CPB2: variants seen among roughly 807,000 people sequenced by gnomAD.
The protein encoded by CPB2 is carboxypeptidase B-like protein.
CPB2 carries 54 observed loss-of-function variants against 57.0 expected under a neutral mutation model. The ratio of observed to expected loss-of-function variants is 0.95; its 90% CI spans 0.76 to 1.19. The LOEUF (loss-of-function observed/expected upper bound fraction) is 1.19. Ranked by LOEUF, CPB2 falls within the 50% of genes most tolerant of loss-of-function variation. The probability of loss-of-function intolerance (pLI) is 0.00; values close to 1 mark genes in which losing one functional copy is unlikely to be tolerated. For missense variants in CPB2, 426 were observed against 512.0 expected (o/e 0.83, Z 1.62); for synonymous variants, 189 against 178.1 (o/e 1.06, Z -0.49).
intron 6 of CPB2, 59 bp from the exon 7 acceptor site, chr13:46,067,476 GTTTC>G: frequency 2.3e-6 from 2 of 862,378 alleles, no homozygotes; most frequent in South Asian, 1.5e-5. Flanking sequence ...AACTTAGTGT[GTTTC>G]TTTTTCTTTT....
At chr13:46,078,418 T>C (rs1471155342) in intron 5 of CPB2, among the ~76,000 whole-genome samples, 1 of 152,180 alleles carries the variant, frequency 6.6e-6, no homozygotes, top group African/African-American at 2.4e-5. Context: ...ATGGCTTATC[T>C]AATGTCACAT....
In CPB2 at chr13:46,104,841, AT is replaced by A; in HGVS notation, c.74+94del. 4.1e-6 allele frequency: 6 copies of A among 1,456,326 alleles called. No homozygotes were observed. In the South Asian group the frequency reaches 6.0e-5, roughly 15 times the overall value. The allele number at this position is 1,456,326 out of a possible 1,614,324, so 90.2% of individuals were successfully genotyped here. The stretch of plus-strand genomic sequence containing the variant: ...AAAGACCTGGCCTTCAAAGTTTACC[AT>A]TTTGTCCACCAGCTCAGTGCACTGA... On this transcript the variant is annotated intron_variant, in intron 1 of 10. Transcript: ENST00000181383.
At chr13:46,056,560 CATT>C (rs2044700285) in intron 9 of CPB2, among the ~76,000 whole-genome samples, 1 of 152,168 alleles carries the variant, frequency 6.6e-6, no homozygotes, top group Non-Finnish European at 1.5e-5. Flanking sequence ...TATGCCATCT[CATT>C]GTTCAAAAAA....
At chr13:46,101,828 A>G (rs1352341480) in intron 1 of CPB2, among the ~76,000 whole-genome samples, 1 of 152,204 alleles carries the variant, frequency 6.6e-6, no homozygotes, top group Non-Finnish European at 1.5e-5. Context: ...CCTATGCAAC[A>G]CTTCCTCTGT....
chr13:46,103,831 A>G (rs1327719173), intron 1 of CPB2, among the ~76,000 whole-genome samples: 1 of 152,222 alleles, frequency 6.6e-6, no homozygotes, highest in African/African-American at 2.4e-5. Context: ...AGAACCTTAG[A>G]AATCCTGACC....
At chr13:46,088,973 G>A (rs1181868988) in intron 1 of CPB2, among the ~76,000 whole-genome samples, 1 of 147,702 alleles carries the variant, frequency 6.8e-6, no homozygotes, top group Non-Finnish European at 1.5e-5. Flanking sequence ...TCTCTTTCTT[G>A]ATGATGTGCT....
chr13:46,084,287 A>C lies in CPB2; in HGVS notation c.207T>G (p.His69Gln). The stretch of plus-strand genomic sequence containing the variant: ...CGACATCAGATGCATTTACAAAAAA[A>C]TGGACTTGTTTTTTCTTCACAATAA... ...ADLIVKKKQVHFFVNASDVDN... is the reference protein window; with the variant it reads ...ADLIVKKKQVQFFVNASDVDN... Residue 69 changes from histidine (H) to glutamine (Q), a missense_variant, in exon 3 of 11, where the codon CAT (histidine) becomes CAG (glutamine). His to Gln is a conservative substitution (Grantham distance 24). Coordinates refer to ENST00000181383, the MANE Select transcript of CPB2 (RefSeq NM_001872.5). 6.2e-7 allele frequency: 1 copy of C among 1,614,190 alleles called. No homozygotes were observed. The highest frequency in any genetic ancestry group is 1.3e-5 in the African/African-American group (1 of 75,048).
intron 2 of CPB2, among the ~76,000 whole-genome samples, chr13:46,085,098 C>T (rs1441967739): frequency 1.3e-5 from 2 of 152,140 alleles, no homozygotes; most frequent in African/African-American, 4.8e-5. Flanking sequence ...GATCCGCCCA[C>T]CTCGGCCCTC....
intron 1 of CPB2, 90 bp from the exon 2 acceptor site, chr13:46,087,910 A>T (rs563099153): frequency 1.3e-6 from 1 of 795,460 alleles, no homozygotes; most frequent in South Asian, 1.7e-5. Context: ...GGTAATTGCA[A>T]AAGGGAAACA....
chr13:46,096,745 C>T (rs192291263), intron 1 of CPB2, among the ~76,000 whole-genome samples: 265 of 152,074 alleles, frequency 1.7e-3, no homozygotes, highest in Non-Finnish European at 3.3e-3. Context: ...CACCACTGCA[C>T]TCTAGCCTGG....
At chr13:46,056,159 G>A (rs2044694356) in intron 9 of CPB2, among the ~76,000 whole-genome samples, 1 of 152,012 alleles carries the variant, frequency 6.6e-6, no homozygotes, top group African/African-American at 2.4e-5. Context: ...TATGGAAAAT[G>A]AAGTATAACT....
chr13:46,078,782 A>G lies in CPB2; in HGVS notation c.486+18T>C, dbSNP rs1467290610. On this transcript the variant is annotated intron_variant, in intron 5 of 10. Transcript: ENST00000181383. ...CTCCCCTCACAGTGAAAGATCAACA[A>G]CTTTCCCCACAACATACCTTTAAAA... 2 of 1,510,464 alleles carry G rather than the reference A, an allele frequency of 1.3e-6. No individual in the cohort carries two copies. The highest frequency in any genetic ancestry group is 1.7e-5 in the Admixed American group (1 of 59,642). 93.6% of individuals were successfully genotyped at this position (1,510,464 alleles called of 1,614,324 possible).
At chr13:46,081,016 A>G (rs913406984) in intron 4 of CPB2, among the ~76,000 whole-genome samples, 1 of 151,506 alleles carries the variant, frequency 6.6e-6, no homozygotes, top group African/African-American at 2.4e-5. Flanking sequence ...ATGAGGAAGA[A>G]CGCTGTGAGA....
At chr13:46,063,505 C>CT (rs1222824369) in intron 8 of CPB2, among the ~76,000 whole-genome samples, 1 of 152,234 alleles carries the variant, frequency 6.6e-6, no homozygotes, top group East Asian at 1.9e-4. Context: ...TAATTTTGTT[C>CT]TTTTTTATGG....
At chr13:46,085,385 C>T (rs1046401229) in intron 2 of CPB2, among the ~76,000 whole-genome samples, 1 of 152,142 alleles carries the variant, frequency 6.6e-6, no homozygotes, top group Non-Finnish European at 1.5e-5. Flanking sequence ...CCATTTAGCT[C>T]TTCGGTTGAG....
intron 6 of CPB2, among the ~76,000 whole-genome samples, chr13:46,068,186 T>C (rs2044884205): frequency 6.6e-6 from 1 of 152,254 alleles, no homozygotes; most frequent in Non-Finnish European, 1.5e-5. Context: ...TGCTATATTT[T>C]AATTTAATTC....
chr13:46,058,411 G>A lies in CPB2; in HGVS notation c.797-30C>T, dbSNP rs760993667. On this transcript the variant is annotated intron_variant, in intron 8 of 10. Coordinates refer to ENST00000181383, the MANE Select transcript of CPB2 (RefSeq NM_001872.5). Reference sequence around the variant, plus strand: ...AACGAAATTGTTAAGGTGAAATTATGAGGGGATGCACATAGTACTGTAATT... The same window carrying A: ...AACGAAATTGTTAAGGTGAAATTATAAGGGGATGCACATAGTACTGTAATT... The A allele has an allele frequency of 2.5e-6, 4 of 1,591,596 alleles. No individual in the cohort carries two copies. The Admixed American group carries it at 5.0e-5, about 20-fold the overall frequency.
At chr13:46,077,671 A>G (rs1251303342) in intron 5 of CPB2, among the ~76,000 whole-genome samples, 2 of 142,586 alleles carry the variant, frequency 1.4e-5, no homozygotes, top group Admixed American at 1.4e-4. Flanking sequence ...TATAGAATCA[A>G]CCTAAGTGTT....
At chr13:46,062,392 A>G (rs1199034186) in intron 8 of CPB2, among the ~76,000 whole-genome samples, 1 of 152,196 alleles carries the variant, frequency 6.6e-6, no homozygotes, top group Non-Finnish European at 1.5e-5. Flanking sequence ...TATGATTCAT[A>G]GATAATGAAA....
Sources: allele counts gnomAD v4.1 joint callset (sites outside exome capture counted in the v4.1 genomes callset), GRCh38; gene constraint gnomAD v4.1.1; transcripts MANE v1.5; gene names NCBI Gene and HGNC (gene_info 2026-07-23, HGNC 2026-07-21).